The following TMEM117 variants were observed in gnomAD, a reference collection of about 807,000 sequenced individuals.
TMEM117 encodes transmembrane protein 117.
In TMEM117, 27 loss-of-function variants were observed where a neutral mutation model predicts 52.4. That is an observed-to-expected ratio of 0.51 (90% CI 0.38 to 0.71). TMEM117 has a LOEUF of 0.71. TMEM117 is among the 30% of genes least tolerant of loss of function. TMEM117 has a pLI of 0.00. For synonymous variants in TMEM117, 215 were observed against 206.3 expected, an observed-to-expected ratio of 1.04 and a Z score of -0.36; for missense variants, 556 against 630.5, an observed-to-expected ratio of 0.88 and a Z score of 1.26.
intron 3 of TMEM117, among the ~76,000 whole-genome samples, chr12:44,048,623 G>C (rs1946917426): frequency 6.6e-6 from 1 of 152,194 alleles, no homozygotes; most frequent in Admixed American, 6.5e-5. Context: ...GCAGAACTGA[G>C]GCTACAACTA....
intron 5 of TMEM117, among the ~76,000 whole-genome samples, chr12:44,238,398 G>A (rs941153810): frequency 2.6e-5 from 4 of 151,488 alleles, no homozygotes; most frequent in African/African-American, 7.3e-5. Flanking sequence ...AAGGAGGGAG[G>A]GGAGAACCAG....
chr12:43,944,124 C>A, intron 2 of TMEM117, 86 bp from the exon 3 acceptor site: 1 of 1,174,840 alleles, frequency 8.5e-7, no homozygotes, highest in Non-Finnish European at 1.2e-6. Flanking sequence ...TATAGTGAGA[C>A]ATTAAAAGAT....
chr12:44,280,143 T>G (rs1950560560), intron 5 of TMEM117, among the ~76,000 whole-genome samples: 2 of 152,218 alleles, frequency 1.3e-5, no homozygotes, highest in Admixed American at 1.3e-4. Flanking sequence ...ACTTTAACTT[T>G]CATTTGAAAG....
At chr12:43,830,489 A>G in the TMEM117 span, among the ~76,000 whole-genome samples, 1 of 151,928 alleles carries the variant, frequency 6.6e-6, no homozygotes, top group African/African-American at 2.4e-5. Context: ...GCACGCCTGT[A>G]ATCGCAGCTA....
intron 6 of TMEM117, among the ~76,000 whole-genome samples, chr12:44,305,198 C>A (rs563536390): frequency 1.3e-5 from 2 of 152,248 alleles, no homozygotes; most frequent in African/African-American, 4.8e-5. Flanking sequence ...GGGCCTGGGG[C>A]AGTGGTAACC....
downstream of TMEM117, among the ~76,000 whole-genome samples, chr12:44,393,931 T>C (rs1952171388): frequency 6.6e-6 from 1 of 152,202 alleles, no homozygotes; most frequent in Non-Finnish European, 1.5e-5. Context: ...TTGTTTCTTT[T>C]GTCATTTCAC....
At chr12:43,806,653 A>C in the TMEM117 span, among the ~76,000 whole-genome samples, 1 of 152,202 alleles carries the variant, frequency 6.6e-6, no homozygotes, top group African/African-American at 2.4e-5. Flanking sequence ...TTTACCAAAT[A>C]GGCATTTTCC....
At chr12:43,852,937 A>G (rs1287688378) in intron 2 of TMEM117, among the ~76,000 whole-genome samples, 3 of 152,196 alleles carry the variant, frequency 2.0e-5, no homozygotes, top group African/African-American at 7.2e-5. Context: ...TGTTCTTTGT[A>G]TTCATTGAAG....
intron 3 of TMEM117, among the ~76,000 whole-genome samples, chr12:43,995,384 G>A (rs776328130): frequency 6.6e-6 from 1 of 151,994 alleles, no homozygotes; most frequent in East Asian, 1.9e-4. Flanking sequence ...GTAAAACCTG[G>A]TATCTCCTAA....
At chr12:44,001,405 A>G (rs549562489) in intron 3 of TMEM117, among the ~76,000 whole-genome samples, 1 of 152,156 alleles carries the variant, frequency 6.6e-6, no homozygotes, top group Admixed American at 6.6e-5. Context: ...AGCATACCTG[A>G]GAACTTGTTA....
At position 43,890,998 on chromosome 12, in the gene TMEM117, T is replaced by A. The variant is rs534709476; in HGVS notation, c.277+46070T>A. On this transcript the variant is annotated intron_variant, in intron 2 of 7. Transcript: ENST00000266534. ...AACAGTACTTATTTTTGTTACTTTC[T>A]TATTGATTCCTAATGATTTCCCCAG... is the stretch of plus-strand genomic sequence containing the variant. Among the ~76,000 whole-genome samples, 5 of 152,270 alleles carry A rather than the reference T, an allele frequency of 3.3e-5. No individual in the cohort carries two copies. The East Asian group carries it at 7.7e-4, about 23-fold the overall frequency.
intron 7 of TMEM117, among the ~76,000 whole-genome samples, chr12:44,383,184 T>A (rs73090700): frequency 0.049 from 7,389 of 152,188 alleles, 220 homozygotes; most frequent in Middle Eastern, 0.13. Context: ...GCACAGCTCA[T>A]CCACAGTGCT....
chr12:43,898,378 TATTA>T (rs996699832), intron 2 of TMEM117, among the ~76,000 whole-genome samples: 16 of 140,520 alleles, frequency 1.1e-4, no homozygotes, highest in East Asian at 3.9e-4. Flanking sequence ...TAATAATATA[TATTA>T]ATTAATAATA....
At chr12:44,325,822 TA>T (rs1276932466) in intron 6 of TMEM117, among the ~76,000 whole-genome samples, 1 of 152,110 alleles carries the variant, frequency 6.6e-6, no homozygotes, top group Admixed American at 6.6e-5. Flanking sequence ...ACACTGCTCA[TA>T]GAAAATTTTA....
intron 1 of TMEM117, among the ~76,000 whole-genome samples, chr12:43,839,775 A>T (rs983450890): frequency 2.0e-5 from 3 of 152,286 alleles, no homozygotes; most frequent in Non-Finnish European, 4.4e-5. Context: ...AAAAATAGGC[A>T]ACTGGTAAAT....
chr12:43,807,489 C>G, the TMEM117 span, among the ~76,000 whole-genome samples: 2 of 152,130 alleles, frequency 1.3e-5, no homozygotes, highest in Non-Finnish European at 2.9e-5. Context: ...TCATTCTAAT[C>G]AAATTCTTCC....
intron 4 of TMEM117, among the ~76,000 whole-genome samples, chr12:44,178,899 A>T (rs1352357103): frequency 6.6e-6 from 1 of 152,156 alleles, no homozygotes; most frequent in Admixed American, 6.5e-5. Context: ...TATATGTAAA[A>T]ACTGCTTTAT....
intron 5 of TMEM117, among the ~76,000 whole-genome samples, chr12:44,282,578 T>G (rs1206141818): frequency 6.6e-6 from 1 of 152,148 alleles, no homozygotes; most frequent in African/African-American, 2.4e-5. Context: ...TTGAGAAAGA[T>G]TATTTAGGGT....
chr12:43,887,726 G>A (rs1731426), intron 2 of TMEM117, among the ~76,000 whole-genome samples: 144,996 of 152,250 alleles, frequency 0.95, 69,124 homozygotes, highest in East Asian at 1. Flanking sequence ...AGCAGAAGTT[G>A]TACTTATTTA....
Sources: allele counts gnomAD v4.1 joint callset (sites outside exome capture counted in the v4.1 genomes callset), GRCh38; gene constraint gnomAD v4.1.1; transcripts MANE v1.5; gene names NCBI Gene and HGNC (gene_info 2026-07-23, HGNC 2026-07-21).